Variants in LOC400499 observed in about 807,000 individuals in gnomAD.
the LOC400499 span, among the ~76,000 whole-genome samples, chr16:11,437,299 C>T: frequency 2.6e-5 from 4 of 152,194 alleles, no homozygotes; most frequent in South Asian, 4.1e-4. Context: ...ATGACTCACA[C>T]CTGTAACCCC....
the LOC400499 span, among the ~76,000 whole-genome samples, chr16:11,386,566 G>C: frequency 6.6e-6 from 1 of 152,218 alleles, no homozygotes; most frequent in South Asian, 2.1e-4. Flanking sequence ...GACATGAGGG[G>C]CTCCCCCTGC....
At chr16:11,490,824 A>G in the LOC400499 span, among the ~76,000 whole-genome samples, 2 of 152,266 alleles carry the variant, frequency 1.3e-5, no homozygotes, top group Non-Finnish European at 2.9e-5. Flanking sequence ...GATGTAATAC[A>G]CAGGAGAACT....
chr16:11,488,783 T>C, the LOC400499 span: 1 of 398,968 alleles, frequency 2.5e-6, no homozygotes, highest in Non-Finnish European at 4.4e-6. Context: ...GAGGATGTCC[T>C]CGGGGAGGGT....
chr16:11,402,149 G>C, the LOC400499 span: 1 of 398,998 alleles, frequency 2.5e-6, no homozygotes. Flanking sequence ...CAGCGGGTGG[G>C]TGAGCTCCAC....
At chr16:11,462,018 A>C in the LOC400499 span, 2 of 1,090,276 alleles carry the variant, frequency 1.8e-6, no homozygotes, top group Non-Finnish European at 2.4e-6. Context: ...GTTGATATTA[A>C]GAGAAGCTGC....
chr16:11,446,870 G>A, the LOC400499 span: 6 of 1,536,014 alleles, frequency 3.9e-6, no homozygotes, highest in South Asian at 5.9e-5. Context: ...AAGGTCTCCT[G>A]CAGGAGGAGG....
At chr16:11,401,979 A>C in the LOC400499 span, 5 of 398,982 alleles carry the variant, frequency 1.3e-5, no homozygotes, top group Admixed American at 2.2e-4. Flanking sequence ...GACCCCGCTC[A>C]GCCTGCAGGG....
At chr16:11,415,647 G>A in the LOC400499 span, among the ~76,000 whole-genome samples, 1 of 152,224 alleles carries the variant, frequency 6.6e-6, no homozygotes, top group Non-Finnish European at 1.5e-5. Context: ...GCACCCGGCT[G>A]TCAGAGATAC....
chr16:11,374,960 T>C, the LOC400499 span, among the ~76,000 whole-genome samples: 1 of 152,096 alleles, frequency 6.6e-6, no homozygotes. Context: ...GTGATCCTCA[T>C]GCCTCAGCCT....
chr16:11,445,834 C>CTT, the LOC400499 span, among the ~76,000 whole-genome samples: 521 of 143,896 alleles, frequency 3.6e-3, 3 homozygotes, highest in African/African-American at 6.5e-3. Flanking sequence ...TCAGGAGAAC[C>CTT]TTTTTTTTTT....
the LOC400499 span, among the ~76,000 whole-genome samples, chr16:11,451,421 A>C: frequency 7.9e-5 from 12 of 152,130 alleles, no homozygotes; most frequent in African/African-American, 2.9e-4. Context: ...CTCTACAACA[A>C]ATACAAAAAT....
the LOC400499 span, among the ~76,000 whole-genome samples, chr16:11,432,136 C>T: frequency 6.6e-6 from 1 of 152,222 alleles, no homozygotes; most frequent in Non-Finnish European, 1.5e-5. Context: ...CCCAGTCCAC[C>T]CCCGTCCTCA....
chr16:11,405,338 G>A, the LOC400499 span, among the ~76,000 whole-genome samples: 3 of 152,228 alleles, frequency 2.0e-5, no homozygotes, highest in Admixed American at 6.5e-5. Flanking sequence ...AGTGCTGAGT[G>A]CCTGGGTACA....
the LOC400499 span, among the ~76,000 whole-genome samples, chr16:11,411,894 T>C: frequency 6.6e-6 from 1 of 151,398 alleles, no homozygotes; most frequent in Non-Finnish European, 1.5e-5. Context: ...ACAGGGTCTT[T>C]CTCTGTCACC....
the LOC400499 span, among the ~76,000 whole-genome samples, chr16:11,409,070 G>A: frequency 6.6e-6 from 1 of 151,812 alleles, no homozygotes; most frequent in Non-Finnish European, 1.5e-5. Context: ...AGACCAGCCC[G>A]GCCAACGTGG....
At chr16:11,505,147 TAAA>T in the LOC400499 span, among the ~76,000 whole-genome samples, 2 of 135,702 alleles carry the variant, frequency 1.5e-5, no homozygotes, top group African/African-American at 2.7e-5. Flanking sequence ...TGCAATGGCT[TAAA>T]AAAAAAAAAA....
chr16:11,421,697 CTGTT>C, the LOC400499 span, among the ~76,000 whole-genome samples: 1 of 151,568 alleles, frequency 6.6e-6, no homozygotes, highest in Non-Finnish European at 1.5e-5. Context: ...TTGTATAATT[CTGTT>C]TGTATGAAAT....
the LOC400499 span, chr16:11,523,458 T>G: frequency 2.5e-6 from 1 of 398,630 alleles, no homozygotes; most frequent in Non-Finnish European, 4.4e-6. Flanking sequence ...CTGCCCCACC[T>G]GCGAATCTGG....
the LOC400499 span, among the ~76,000 whole-genome samples, chr16:11,480,146 A>G: frequency 3.9e-5 from 6 of 152,320 alleles, no homozygotes; most frequent in Admixed American, 3.9e-4. Flanking sequence ...TTGTCTCTCC[A>G]ACACTGAGGC....
Sources: allele counts gnomAD v4.1 joint callset (sites outside exome capture counted in the v4.1 genomes callset), GRCh38; gene constraint gnomAD v4.1.1; transcripts MANE v1.5.